COL23A1: variants seen among roughly 807,000 people sequenced by gnomAD.
COL23A1 encodes collagen type XXIII alpha 1 chain.
In COL23A1, 97 loss-of-function variants were observed where a neutral mutation model predicts 99.3. The ratio of observed to expected loss-of-function variants is 0.98; its 90% CI spans 0.83 to 1.16. COL23A1 has a LOEUF of 1.16. COL23A1 is among the 50% of genes most tolerant of loss of function. The probability of loss-of-function intolerance (pLI) is 0.00; values close to 1 mark genes in which losing one functional copy is unlikely to be tolerated. For missense variants in COL23A1, 762 were observed against 757.4 expected (o/e 1.01, Z -0.07); for synonymous variants, 320 against 308.2 (o/e 1.04, Z -0.40).
Position 178,532,685 on chromosome 5 carries a change from CT to C in COL23A1, c.361+27996del, listed in dbSNP as rs533167360. Among the ~76,000 whole-genome samples, 118 of 152,288 alleles carry C rather than the reference CT, an allele frequency of 7.7e-4. 1 individual carries two copies. Among genetic ancestry groups the C allele is most frequent in the South Asian group, 2.5e-3 (12 of 4,828 alleles). On this transcript the variant is annotated intron_variant, in intron 2 of 28. Transcript: ENST00000390654. ...CCAGAAAAATGCACGTGTTGAACCCCTAATCCCAACTGTGATGATGGCATTT... is the reference window on the plus strand; with the variant it reads ...CCAGAAAAATGCACGTGTTGAACCCCAATCCCAACTGTGATGATGGCATTT...
chr5:178,530,790 C>T (rs867491374), intron 2 of COL23A1, among the ~76,000 whole-genome samples: 2 of 152,336 alleles, frequency 1.3e-5, no homozygotes, highest in Middle Eastern at 6.8e-3. Flanking sequence ...TTCTAGCCTC[C>T]CTCCCAGCTG....
chr5:178,346,483 G>C (rs997182099), intron 2 of COL23A1, among the ~76,000 whole-genome samples: 1 of 152,136 alleles, frequency 6.6e-6, no homozygotes, highest in African/African-American at 2.4e-5. Context: ...TGATCCACCC[G>C]CCTTGGTCTC....
At chr5:178,420,737 C>A (rs1765591831) in intron 2 of COL23A1, among the ~76,000 whole-genome samples, 1 of 138,422 alleles carries the variant, frequency 7.2e-6, no homozygotes, top group African/African-American at 2.8e-5. Flanking sequence ...CGGGCTACAG[C>A]ACAAGGGGAA....
In COL23A1 at chr5:178,280,411, G is replaced by A. The variant is rs1417199905; in HGVS notation, c.441+7913C>T. Reference sequence around the variant, plus strand: ...GGTTCCCCCAATAGCTGAAGGGGCCGAGGCTTGGCGGGGCCAGGGACGTGC... The same window carrying A: ...GGTTCCCCCAATAGCTGAAGGGGCCAAGGCTTGGCGGGGCCAGGGACGTGC... On this transcript the variant is annotated intron_variant, in intron 5 of 28. Transcript: ENST00000390654. This position sits in a 1 kb window ranked among gnomAD's most constrained non-coding sequence, Gnocchi z 4.9. 2.6e-5 allele frequency among the ~76,000 whole-genome samples: 4 copies of A among 152,120 alleles called. No individual in the cohort carries two copies. Among genetic ancestry groups the A allele is most frequent in the Admixed American group, 6.5e-5 (1 of 15,274 alleles).
rs1758323671 is a variant in COL23A1 at position 178,498,244 on chromosome 5, ATATATATATAT to A, written c.361+62427_361+62437del. On this transcript the variant is annotated intron_variant, in intron 2 of 28. Coordinates refer to ENST00000390654, the MANE Select transcript of COL23A1 (RefSeq NM_173465.4). ...TATATATATATATATATATATATAT[ATATATATATAT>A]ATAAAAGAACTTAAAAATAAAAAAA... 2.2e-4 allele frequency among the ~76,000 whole-genome samples: 16 copies of A among 71,214 alleles called. 1 individual carries two copies. The highest frequency in any genetic ancestry group is 1.3e-3 in the African/African-American group (14 of 11,174). The allele number at this position is 71,214 out of a possible 152,430, so 46.7% of individuals were successfully genotyped here.
intron 4 of COL23A1, chr5:178,288,649 G>T: frequency 1.9e-6 from 1 of 539,546 alleles, no homozygotes; most frequent in South Asian, 2.3e-5. Flanking sequence ...GTGGGGACGT[G>T]GGGTTCTGGA....
At chr5:178,432,070 C>A (rs1406579992) in intron 2 of COL23A1, among the ~76,000 whole-genome samples, 1 of 152,190 alleles carries the variant, frequency 6.6e-6, no homozygotes, top group Non-Finnish European at 1.5e-5. Context: ...GGGGCTTTTG[C>A]AAACTGCTTG....
At chr5:178,404,747 T>C (rs1764665122) in intron 2 of COL23A1, among the ~76,000 whole-genome samples, 1 of 152,068 alleles carries the variant, frequency 6.6e-6, no homozygotes, top group South Asian at 2.1e-4. Context: ...GCTCACGTGA[T>C]ATTGAGGATG....
intron 2 of COL23A1, among the ~76,000 whole-genome samples, chr5:178,559,617 C>T (rs893907676): frequency 7.8e-6 from 1 of 128,982 alleles, no homozygotes. Context: ...GTCTGAGACA[C>T]ATCACCCAAA....
At chr5:178,275,026 A>G (rs1756507195) in intron 5 of COL23A1, among the ~76,000 whole-genome samples, 2 of 152,270 alleles carry the variant, frequency 1.3e-5, no homozygotes, top group South Asian at 2.1e-4. Context: ...TGGGCTGCAC[A>G]TGAGCAGCAG....
At chr5:178,419,308 AGTC>A (rs1369809130) in intron 2 of COL23A1, among the ~76,000 whole-genome samples, 2 of 152,224 alleles carry the variant, frequency 1.3e-5, no homozygotes, top group African/African-American at 4.8e-5. Context: ...CCGAAGAGCC[AGTC>A]GCATGGAGGG....
chr5:178,355,652 C>T (rs1285076594), intron 2 of COL23A1, among the ~76,000 whole-genome samples: 2 of 152,220 alleles, frequency 1.3e-5, no homozygotes, highest in Non-Finnish European at 2.9e-5. Context: ...CCTGCCTCAG[C>T]CTCCCGAGTA....
chr5:178,528,545 G>A (rs572028929), intron 2 of COL23A1, among the ~76,000 whole-genome samples: 1 of 152,358 alleles, frequency 6.6e-6, no homozygotes, highest in East Asian at 1.9e-4. Flanking sequence ...CGGGCGCAGT[G>A]GCTCACGCCT....
intron 2 of COL23A1, among the ~76,000 whole-genome samples, chr5:178,529,874 C>T (rs1760544483): frequency 6.6e-6 from 1 of 152,232 alleles, no homozygotes; most frequent in Non-Finnish European, 1.5e-5. Flanking sequence ...ACCTTTCAAA[C>T]ACTGCTGTAT....
At chr5:178,251,895 TTTCA>T (rs1447993445) in intron 17 of COL23A1, among the ~76,000 whole-genome samples, 1 of 147,260 alleles carries the variant, frequency 6.8e-6, no homozygotes, top group African/African-American at 2.5e-5. Context: ...TTTCTCTCTC[TTTCA>T]TTTTCTTTTC....
intron 2 of COL23A1, among the ~76,000 whole-genome samples, chr5:178,403,129 A>AAAAAAAAAAAAAAAAAAAAAAAAAAC: frequency 8.4e-6 from 1 of 118,966 alleles, no homozygotes; most frequent in Non-Finnish European, 1.8e-5. Flanking sequence ...AAAATAAATA[A>AAAAAAAAAAAAAAAAAAAAAAAAAAC]ATAAAAAATA....
At chr5:178,291,388 A>G (rs890807) in intron 3 of COL23A1, among the ~76,000 whole-genome samples, 106,635 of 152,126 alleles carry the variant, frequency 0.7, 38,399 homozygotes, top group Non-Finnish European at 0.8. Context: ...ACATTACACA[A>G]GGAGAAGGCC....
At chr5:178,437,932 GT>G (rs201743746) in intron 2 of COL23A1, among the ~76,000 whole-genome samples, 3,233 of 152,328 alleles carry the variant, frequency 0.021, 48 homozygotes, top group Non-Finnish European at 0.033. Context: ...CCTGGTCTGA[GT>G]GCCCACCATG....
chr5:178,522,389 C>T (rs1259860402), intron 2 of COL23A1, among the ~76,000 whole-genome samples: 2 of 152,160 alleles, frequency 1.3e-5, no homozygotes, highest in Non-Finnish European at 2.9e-5. Context: ...CCAGTCCGCA[C>T]AGACATCACA....
Sources: gnomAD v4.1 joint callset for allele counts (sites outside exome capture counted in the v4.1 genomes callset) on GRCh38, gnomAD v4.1.1 for gene constraint, Gnocchi (gnomAD v3.1) non-coding constraint, MANE v1.5 for transcripts, NCBI Gene and HGNC (gene_info 2026-07-23, HGNC 2026-07-21) for gene names.